The following TBCD variants were observed in gnomAD, a reference collection of about 807,000 sequenced individuals.
The protein encoded by TBCD is tubulin-specific chaperone D.
TBCD carries 105 observed loss-of-function variants against 169.3 expected under a neutral mutation model. The ratio of observed to expected loss-of-function variants is 0.62; its 90% CI spans 0.53 to 0.73. The LOEUF (loss-of-function observed/expected upper bound fraction) is 0.73, where lower values mean the gene tolerates loss of function less well. Ranked by LOEUF, TBCD falls within the 30% of genes least tolerant of loss-of-function variation. The pLI is 0.00. For missense variants in TBCD, 1,444 were observed against 1,600.1 expected, an observed-to-expected ratio of 0.90 and a Z score of 1.66; for synonymous variants, 700 against 643.9, an observed-to-expected ratio of 1.09 and a Z score of -1.32.
intron 38 of TBCD, 122 bp from the exon 39 acceptor site, chr17:82,942,327 A>G (rs1220533773): frequency 6.9e-7 from 1 of 1,444,782 alleles, no homozygotes; most frequent in Non-Finnish European, 9.6e-7. Flanking sequence ...GAAACGGCAC[A>G]AATGGTTTCC....
intron 2 of TBCD, among the ~76,000 whole-genome samples, chr17:82,762,476 C>A (rs377351629): frequency 5.9e-5 from 9 of 152,016 alleles, no homozygotes; most frequent in African/African-American, 2.2e-4. Context: ...TGGCCAGGCG[C>A]GGTGGCTCCT....
chr17:82,942,475 G>A lies in TBCD; in HGVS notation c.*12G>A. ...CTGGTGCCTGCTGAAGCCAGTCCTG[G>A]AGCCCATACCTCACCCCTGCCTGGT... On this transcript the variant is annotated 3_prime_UTR_variant, in exon 39 of 39. Coordinates refer to ENST00000355528, the MANE Select transcript of TBCD (RefSeq NM_005993.5). The A allele has an allele frequency of 6.2e-7, 1 of 1,613,986 alleles. No individual in the cohort carries two copies. Among genetic ancestry groups the A allele is most frequent in the Non-Finnish European group, 8.5e-7 (1 of 1,179,892 alleles).
chr17:82,914,120 G>A (rs570736639), intron 23 of TBCD: 4 of 152,544 alleles, frequency 2.6e-5, no homozygotes, highest in African/African-American at 9.6e-5. Context: ...AGGCACTGCA[G>A]GCTGCACAAG....
intron 12 of TBCD, among the ~76,000 whole-genome samples, chr17:82,812,589 G>T (rs2051530875): frequency 6.6e-6 from 1 of 152,218 alleles, no homozygotes; most frequent in South Asian, 2.1e-4. Flanking sequence ...TCTGTCGCCA[G>T]GCTGGAGTGC....
chr17:82,846,103 C>T (rs140768375), intron 13 of TBCD, among the ~76,000 whole-genome samples: 37 of 152,162 alleles, frequency 2.4e-4, no homozygotes, highest in South Asian at 4.1e-4. Context: ...CAGGGCTCTG[C>T]GCTTCTAAAG....
chr17:82,875,463 A>G (rs2057896570), intron 14 of TBCD, among the ~76,000 whole-genome samples: 3 of 152,220 alleles, frequency 2.0e-5, no homozygotes, highest in Non-Finnish European at 2.9e-5. Context: ...TTGTGTGTCC[A>G]GTGATTTCCT....
In TBCD at chr17:82,766,254, CTTTA is replaced by C; in HGVS notation, c.334-9_334-6del. On this transcript the variant is annotated splice_polypyrimidine_tract_variant and intron_variant, in intron 3 of 38. Coordinates refer to ENST00000355528, the MANE Select transcript of TBCD (RefSeq NM_005993.5). Reference sequence around the variant, plus strand: ...TTTTAAATGTTATAATTCAGCATCTCTTTATTTGATAGGTTCGAGGCTATAAAAC... The same window carrying C: ...TTTTAAATGTTATAATTCAGCATCTCTTTGATAGGTTCGAGGCTATAAAAC... 1.3e-6 allele frequency: 2 copies of C among 1,596,660 alleles called. No homozygotes were observed. The highest frequency in any genetic ancestry group is 1.1e-5 in the South Asian group (1 of 88,418).
chr17:82,937,157 C>T (rs2062700586), intron 34 of TBCD, 114 bp from the exon 35 acceptor site: 1 of 903,766 alleles, frequency 1.1e-6, no homozygotes, highest in Non-Finnish European at 1.8e-6. Context: ...GGGCTGCAGG[C>T]TTCTTGGACT....
chr17:82,812,333 C>G (rs570353915), intron 12 of TBCD, among the ~76,000 whole-genome samples: 1 of 152,202 alleles, frequency 6.6e-6, no homozygotes, highest in Non-Finnish European at 1.5e-5. Context: ...CCCGCCGCCC[C>G]GTGTCAGCAG....
chr17:82,829,928 A>T, intron 13 of TBCD: 1 of 750,620 alleles, frequency 1.3e-6, no homozygotes, highest in Non-Finnish European at 2.1e-6. Flanking sequence ...AGGTGTTTTT[A>T]CAACCAAAAG....
intron 4 of TBCD, 24 bp downstream of exon 4, chr17:82,766,392 C>A: frequency 6.4e-7 from 1 of 1,572,152 alleles, no homozygotes; most frequent in South Asian, 1.1e-5. Context: ...CCTCCCCCCT[C>A]GTCTCCAGCC....
At chr17:82,879,887 CT>C (rs916162623) in intron 14 of TBCD, among the ~76,000 whole-genome samples, 87 of 146,256 alleles carry the variant, frequency 5.9e-4, no homozygotes, top group Admixed American at 8.9e-4. Flanking sequence ...GTGATCTTTC[CT>C]TTTTTTTTTT....
intron 6 of TBCD, among the ~76,000 whole-genome samples, chr17:82,777,939 C>T (rs981088864): frequency 1.3e-5 from 2 of 152,220 alleles, no homozygotes; most frequent in Admixed American, 6.5e-5. Flanking sequence ...TGTCAACAGG[C>T]GTCTTCCCAG....
chr17:82,877,134 C>T (rs189766808), intron 14 of TBCD, among the ~76,000 whole-genome samples: 69 of 152,234 alleles, frequency 4.5e-4, no homozygotes, highest in Non-Finnish European at 4.7e-4. Context: ...TGGCTGGAGC[C>T]GGCGGCAATA....
chr17:82,797,563 A>G (rs1026545532), intron 7 of TBCD, among the ~76,000 whole-genome samples, 194 bp from the exon 8 acceptor site: 1 of 152,208 alleles, frequency 6.6e-6, no homozygotes, highest in Admixed American at 6.5e-5. Context: ...TTTCAGATGA[A>G]TTTTTGGGAG....
rs370641725 is a variant in TBCD, at chr17:82,901,853, C to G, written c.1730+1122C>G. Among the ~76,000 whole-genome samples the G allele has an allele frequency of 2.9e-3, 439 of 152,366 alleles. 7 individuals are homozygous for G. The highest frequency in any genetic ancestry group is 0.01 in the African/African-American group (430 of 41,588). ...CCTGCAAATGTTACACCAAAACTCT[C>G]TCCATTAGGTACAAGGTCCCCTAAA... On this transcript the variant is annotated intron_variant, in intron 18 of 38. Coordinates refer to ENST00000355528, the MANE Select transcript of TBCD (RefSeq NM_005993.5).
At chr17:82,841,596 G>T (rs570605389) in intron 13 of TBCD, among the ~76,000 whole-genome samples, 1 of 152,294 alleles carries the variant, frequency 6.6e-6, no homozygotes, top group East Asian at 1.9e-4. Flanking sequence ...AAGTCAAAAA[G>T]AGTTATGTAA....
intron 38 of TBCD, chr17:82,941,836 TGGGGCC>T (rs1214671081): frequency 3.2e-6 from 1 of 309,990 alleles, no homozygotes; most frequent in Non-Finnish European, 6.0e-6. Flanking sequence ...TTCCCATGAG[TGGGGCC>T]GGGGCTGGGT....
At chr17:82,801,913 CGT>C (rs1375937233) in intron 9 of TBCD, among the ~76,000 whole-genome samples, 2 of 146,646 alleles carry the variant, frequency 1.4e-5, no homozygotes, top group African/African-American at 2.6e-5. Flanking sequence ...AGGAGGGCGG[CGT>C]GTGTGTCGTC....
Sources: allele counts gnomAD v4.1 joint callset (sites outside exome capture counted in the v4.1 genomes callset), GRCh38; gene constraint gnomAD v4.1.1; transcripts MANE v1.5; gene names NCBI Gene and HGNC (gene_info 2026-07-23, HGNC 2026-07-21).